Variants in CHIA observed in about 807,000 individuals in gnomAD.
CHIA encodes the protein acidic mammalian chitinase.
In CHIA, 47 loss-of-function variants were observed where a neutral mutation model predicts 53.5. That is an observed-to-expected ratio of 0.88 (90% CI 0.70 to 1.12). The LOEUF (loss-of-function observed/expected upper bound fraction) is 1.12. Ranked by LOEUF, CHIA falls within the 50% of genes most tolerant of loss-of-function variation. The pLI is 0.00. For synonymous variants in CHIA, 268 were observed against 222.2 expected (o/e 1.21, Z -1.83); for missense variants, 652 against 592.2 (o/e 1.10, Z -1.05).
At chr1:111,319,611 G>A in intron 11 of CHIA, 143 bp downstream of exon 11, 1 of 777,788 alleles carries the variant, frequency 1.3e-6, no homozygotes. Flanking sequence ...TGAGAGACAG[G>A]TTTTACCCTT....
rs72984180 is a variant in CHIA, at chr1:111,303,166, T to C, written c.-68-7234T>C. 5.7e-3 allele frequency among the ~76,000 whole-genome samples: 869 copies of C among 152,242 alleles called. 11 individuals are homozygous for C. The highest frequency in any genetic ancestry group is 0.019 in the African/African-American group (799 of 41,580). On this transcript the variant is annotated intron_variant, in intron 1 of 11. Coordinates refer to ENST00000369740, the MANE Select transcript of CHIA (RefSeq NM_201653.4). ...CTTTAAATCTAAAATGAGTCTCTTG[T>C]AGACAGCGTATGGTTGGATCATGTG...
intron 1 of CHIA, among the ~76,000 whole-genome samples, chr1:111,299,035 C>A (rs190914271): frequency 6.6e-6 from 1 of 152,048 alleles, no homozygotes; most frequent in East Asian, 1.9e-4. Flanking sequence ...AAGACTAAAC[C>A]AGGAAGAAGT....
At chr1:111,291,944 A>G (rs529066790) in intron 1 of CHIA, among the ~76,000 whole-genome samples, 17 of 152,266 alleles carry the variant, frequency 1.1e-4, no homozygotes, top group African/African-American at 2.4e-4. Context: ...ATGTTTACCT[A>G]TGTAAGAAAC....
intron 1 of CHIA, among the ~76,000 whole-genome samples, chr1:111,291,777 A>G (rs1661034896): frequency 6.6e-6 from 1 of 151,196 alleles, no homozygotes; most frequent in Non-Finnish European, 1.5e-5. Flanking sequence ...AAATAATTGT[A>G]ATAATGAGAA....
chr1:111,317,747 G>A lies in CHIA; in HGVS notation c.547G>A (p.Ala183Thr). 1 of 1,613,920 alleles carries A rather than the reference G, an allele frequency of 6.2e-7. No individual in the cohort carries two copies. The highest frequency in any genetic ancestry group is 8.5e-7 in the Non-Finnish European group (1 of 1,180,026). Residue 183 changes from alanine to threonine, a missense_variant, in exon 7 of 12, where the codon GCA becomes ACA. Ala to Thr is a moderately conservative substitution (Grantham distance 58). Coordinates refer to ENST00000369740, the MANE Select transcript of CHIA (RefSeq NM_201653.4). The stretch of plus-strand genomic sequence containing the variant: ...CAAGCCCAGGCTGATGGTCACTGCT[G>A]CAGTAGCTGCTGGCATCTCCAATAT... Reference protein sequence around the residue: ...INKPRLMVTAAVAAGISNIQS... With the variant: ...INKPRLMVTATVAAGISNIQS...
chr1:111,297,224 A>C (rs1647236688), intron 1 of CHIA, among the ~76,000 whole-genome samples: 3 of 152,188 alleles, frequency 2.0e-5, no homozygotes. Context: ...AATACAGAGA[A>C]CACCACAAAG....
At chr1:111,305,073 T>C (rs74108968) in intron 1 of CHIA, among the ~76,000 whole-genome samples, 13,723 of 152,090 alleles carry the variant, frequency 0.09, 927 homozygotes, top group African/African-American at 0.18. Flanking sequence ...TGGGGTTTTG[T>C]TTTGTTGTTT....
At chr1:111,304,723 A>G (rs970079100) in intron 1 of CHIA, among the ~76,000 whole-genome samples, 19 of 152,166 alleles carry the variant, frequency 1.2e-4, no homozygotes, top group African/African-American at 4.3e-4. Flanking sequence ...CATATTTGCC[A>G]TCAGGTCTTT....
intron 1 of CHIA, among the ~76,000 whole-genome samples, chr1:111,296,165 G>A (rs1008095426): frequency 6.6e-5 from 10 of 152,204 alleles, no homozygotes; most frequent in South Asian, 2.1e-4. Context: ...AGAAACTTCC[G>A]CAGACTTAAA....
chr1:111,296,701 A>G (rs946329343), intron 1 of CHIA, among the ~76,000 whole-genome samples: 6 of 152,248 alleles, frequency 3.9e-5, no homozygotes, highest in African/African-American at 1.4e-4. Flanking sequence ...CAGCAACGGA[A>G]CAAAGCTGGA....
At chr1:111,319,278 T>C (rs557915320) in intron 10 of CHIA, 39 bp downstream of exon 10, 1 of 1,614,096 alleles carries the variant, frequency 6.2e-7, no homozygotes, top group East Asian at 2.2e-5. Flanking sequence ...GTCCCAGCCC[T>C]GAGTCCCAGG....
At chr1:111,317,316 C>A in intron 6 of CHIA, 1 of 199,270 alleles carries the variant, frequency 5.0e-6, no homozygotes, top group Non-Finnish European at 1.1e-5. Flanking sequence ...AGTTCATCTA[C>A]TTTATGAAAC....
In CHIA at chr1:111,314,581, A is replaced by T. The variant is rs1291160966; in HGVS notation, c.299A>T (p.Asn100Ile). 6 of 1,613,264 alleles carry T rather than the reference A, an allele frequency of 3.7e-6. No individual in the cohort carries two copies. The highest frequency in any genetic ancestry group is 5.1e-6 in the Non-Finnish European group (6 of 1,179,318). ...ACTCTCCTGGCCATTGGAGGCTGGA[A>T]CTTCGGGACTGCCCCGTAAGTCTTC... ...LKTLLAIGGW[N>I]FGTAPFTAMV... Residue 100 changes from asparagine (N) to isoleucine (I), a missense_variant, in exon 5 of 12, where the codon AAC (asparagine) becomes ATC (isoleucine). By Grantham distance (149) the Asn-to-Ile change is moderately radical (BLOSUM62 -3). Coordinates refer to ENST00000369740, the MANE Select transcript of CHIA (RefSeq NM_201653.4).
chr1:111,319,025 C>T (rs766663200), intron 9 of CHIA, 95 bp from the exon 10 acceptor site: 189 of 1,471,638 alleles, frequency 1.3e-4, no homozygotes, highest in Non-Finnish European at 1.7e-4. Flanking sequence ...TTGAGCAAAA[C>T]CCCAACTGGA....
chr1:111,303,501 A>T (rs11485090), intron 1 of CHIA, among the ~76,000 whole-genome samples: 44,425 of 151,784 alleles, frequency 0.29, 7,021 homozygotes, highest in African/African-American at 0.4. Flanking sequence ...ATATGAATAC[A>T]CACACATATA....
chr1:111,314,958 A>C, intron 5 of CHIA: 1 of 393,360 alleles, frequency 2.5e-6, no homozygotes, highest in Non-Finnish European at 4.6e-6. Context: ...CAAATAAACA[A>C]GAGGACTTCT....
At chr1:111,309,127 T>G (rs28536723) in intron 1 of CHIA, among the ~76,000 whole-genome samples, 20,076 of 152,202 alleles carry the variant, frequency 0.13, 1,542 homozygotes, top group African/African-American at 0.19. Context: ...CCATGGCACA[T>G]GTTTACCTAT....
intron 1 of CHIA, among the ~76,000 whole-genome samples, chr1:111,305,010 A>G (rs1648064653): frequency 6.6e-6 from 1 of 152,008 alleles, no homozygotes; most frequent in Non-Finnish European, 1.5e-5. Context: ...ATCTCCTCCC[A>G]GCTCAGCCTC....
At position 111,319,122 on chromosome 1, in the gene CHIA, C is replaced by T. The variant is rs1649426918; in HGVS notation, c.918C>T (p.Ile306=). 1 of 1,613,524 alleles carries T rather than the reference C, an allele frequency of 6.2e-7. No homozygotes were observed. Among genetic ancestry groups the T allele is most frequent in the Admixed American group, 1.7e-5 (1 of 59,894 alleles). The part of the protein sequence containing the change: ...KESGIWAYYE[I]CTFLKNGATQ... ...TTGAATCTCTTGACTTTTGAAAGAT[C>T]TGTACCTTCCTGAAAAATGGAGCCA... Residue 306 remains isoleucine, a splice_region_variant and synonymous_variant, in exon 10 of 12, where the codon ATC becomes ATT. Coordinates refer to ENST00000369740, the MANE Select transcript of CHIA (RefSeq NM_201653.4).
Sources: gnomAD v4.1 joint callset for allele counts (sites outside exome capture counted in the v4.1 genomes callset) on GRCh38, gnomAD v4.1.1 for gene constraint, MANE v1.5 for transcripts, NCBI Gene and HGNC (gene_info 2026-07-23, HGNC 2026-07-21) for gene names.